The following SH3GL1 variants were observed in gnomAD, a reference collection of about 807,000 sequenced individuals.
SH3GL1 encodes endophilin-A2.
In SH3GL1, 21 loss-of-function variants were observed where a neutral mutation model predicts 48.8. The observed-to-expected ratio is 0.43, with a 90% confidence interval of 0.30 to 0.62. The LOEUF (loss-of-function observed/expected upper bound fraction) is 0.62, where lower values mean the gene tolerates loss of function less well. SH3GL1 is among the 20% of genes least tolerant of loss of function. SH3GL1 has a pLI of 0.11. For missense variants in SH3GL1, 454 were observed against 503.0 expected, an observed-to-expected ratio of 0.90 and a Z score of 0.93; for synonymous variants, 282 against 217.5, an observed-to-expected ratio of 1.30 and a Z score of -2.61.
chr19:4,386,347 C>G (rs561764725), intron 1 of SH3GL1, among the ~76,000 whole-genome samples: 7 of 152,298 alleles, frequency 4.6e-5, no homozygotes, highest in African/African-American at 1.4e-4. Flanking sequence ...CTGCTTAGTG[C>G]TGGGGCAAAG....
intron 1 of SH3GL1, among the ~76,000 whole-genome samples, chr19:4,387,455 G>A (rs1417849628): frequency 6.6e-6 from 1 of 152,104 alleles, no homozygotes; most frequent in Non-Finnish European, 1.5e-5. Context: ...GCACCGCTAT[G>A]ACTGGCTAAT....
At chr19:4,372,391 A>G (rs1295252762) in intron 1 of SH3GL1, among the ~76,000 whole-genome samples, 1 of 152,212 alleles carries the variant, frequency 6.6e-6, no homozygotes, top group East Asian at 1.9e-4. Context: ...CTAACACTGC[A>G]GCTGTGTTCA....
chr19:4,376,869 C>CTTA lies in SH3GL1; in HGVS notation c.46-9878_46-9876dup, dbSNP rs1260202780. 2.0e-5 allele frequency among the ~76,000 whole-genome samples: 3 copies of CTTA among 152,314 alleles called. No homozygotes were observed. The highest frequency in any genetic ancestry group is 4.1e-4 in the South Asian group (2 of 4,830). ...CAGACACAGGAAGCACTCTCCAATGCTTAGCGCCCTAGAATAAAGGACCCC... is the reference window on the plus strand; with the variant it reads ...CAGACACAGGAAGCACTCTCCAATGCTTATTAGCGCCCTAGAATAAAGGACCCC... On this transcript the variant is annotated intron_variant, in intron 1 of 9. Transcript: ENST00000269886. The surrounding 1 kb of genome is among the most constrained non-coding windows in gnomAD (Gnocchi z 4.3).
At chr19:4,383,940 C>T (rs1469736618) in intron 1 of SH3GL1, among the ~76,000 whole-genome samples, 3 of 152,272 alleles carry the variant, frequency 2.0e-5, no homozygotes, top group Admixed American at 1.3e-4. Flanking sequence ...GGAACATATG[C>T]GATGGGTGAC....
chr19:4,398,501 C>T (rs1241275517), intron 1 of SH3GL1, among the ~76,000 whole-genome samples: 1 of 151,908 alleles, frequency 6.6e-6, no homozygotes, highest in African/African-American at 2.4e-5. Context: ...TCCTGTCTCA[C>T]CCTCCTTAGT....
Position 4,364,004 on chromosome 19 carries a change from G to A in SH3GL1, c.465+84C>T, listed in dbSNP as rs918460616. The A allele has an allele frequency of 3.7e-6, 6 of 1,604,828 alleles. No individual in the cohort carries two copies. In the African/African-American group the frequency reaches 6.7e-5, roughly 18 times the overall value. ...CCTGAGACCCAGAGGGCAGTGCCGA[G>A]GCTGGAGGTGAGGGTGGCAGGAATG... On this transcript the variant is annotated intron_variant, in intron 5 of 9. Coordinates refer to ENST00000269886, the MANE Select transcript of SH3GL1 (RefSeq NM_003025.4).
rs1271790450 is a variant in SH3GL1, at chr19:4,363,777, C to T, written c.567G>A (p.Lys189=). Residue 189 remains lysine, a synonymous_variant, in exon 6 of 10, where the codon AAG becomes AAA. Transcript: ENST00000269886. ...CTGCCACCTCCTTGGACTCCTCGAA[C>T]TTCTCCAGCGCCTGGCGTAGCTCCT... ...PDEELRQALE[K]FEESKEVAET... 2 of 1,613,890 alleles carry T rather than the reference C, an allele frequency of 1.2e-6. No individual in the cohort carries two copies. Among genetic ancestry groups the T allele is most frequent in the East Asian group, 4.5e-5 (2 of 44,882 alleles).
At position 4,371,937 on chromosome 19, in the gene SH3GL1, C is replaced by T. The variant is rs140174067; in HGVS notation, c.46-4943G>A. Among the ~76,000 whole-genome samples, 141 of 152,356 alleles carry T rather than the reference C, an allele frequency of 9.3e-4. No homozygotes were observed. The East Asian group carries it at 0.011, about 12-fold the overall frequency. On this transcript the variant is annotated intron_variant, in intron 1 of 9. Transcript: ENST00000269886. Reference sequence around the variant, plus strand: ...AGAGCGGAGAAATGGCAGGTGGGCACGGCTGGTCAACCGCAGCGAATACCT... The same window carrying T: ...AGAGCGGAGAAATGGCAGGTGGGCATGGCTGGTCAACCGCAGCGAATACCT...
In SH3GL1 at chr19:4,362,648, C is replaced by T. The variant is rs749170520; in HGVS notation, c.817G>A (p.Gly273Arg). 5 of 1,613,916 alleles carry T rather than the reference C, an allele frequency of 3.1e-6. No individual in the cohort carries two copies. Among genetic ancestry groups the T allele is most frequent in the African/African-American group, 2.7e-5 (2 of 75,060 alleles). ...FDLGEPEQSN[G>R]GFPCTTAPKI... ...GGGGCTGTGGTGCAGGGGAAGCCCC[C>T]GTTGGACTGCTCAGGCTCTCCAAGG... Residue 273 changes from glycine (G) to arginine (R), a missense_variant, in exon 8 of 10, where the codon GGG becomes AGG. By Grantham distance (125) the Gly-to-Arg change is moderately radical. Transcript: ENST00000269886.
chr19:4,382,350 C>T lies in SH3GL1; in HGVS notation c.46-15356G>A, dbSNP rs559519236. Among the ~76,000 whole-genome samples the T allele has an allele frequency of 1.5e-3, 228 of 151,194 alleles. 2 individuals carry two copies. Among genetic ancestry groups the T allele is most frequent in the African/African-American group, 4.9e-3 (203 of 41,118 alleles). On this transcript the variant is annotated intron_variant, in intron 1 of 9. Transcript: ENST00000269886. The stretch of plus-strand genomic sequence containing the variant: ...TCGGCTCACTGCAAGCTCCGCCTCC[C>T]GGGTTCACGCCATTCTCCTGCCTCA...
At chr19:4,371,247 G>C (rs572491547) in intron 1 of SH3GL1, among the ~76,000 whole-genome samples, 28 of 152,252 alleles carry the variant, frequency 1.8e-4, no homozygotes, top group Non-Finnish European at 2.4e-4. Context: ...ATACAGAAAT[G>C]AACTGTGAAG....
At chr19:4,386,109 G>C (rs1973230003) in intron 1 of SH3GL1, among the ~76,000 whole-genome samples, 1 of 152,252 alleles carries the variant, frequency 6.6e-6, no homozygotes, top group South Asian at 2.1e-4. Flanking sequence ...CCAGGTCCCT[G>C]GGCTGCCCTC....
chr19:4,369,711 C>A (rs1007822192), intron 1 of SH3GL1, among the ~76,000 whole-genome samples: 1 of 152,234 alleles, frequency 6.6e-6, no homozygotes, highest in Non-Finnish European at 1.5e-5. Flanking sequence ...TGAACCCCCA[C>A]AACCGCCTGA....
chr19:4,397,653 C>T (rs1025214911), intron 1 of SH3GL1, among the ~76,000 whole-genome samples: 3 of 152,172 alleles, frequency 2.0e-5, no homozygotes, highest in Non-Finnish European at 4.4e-5. Context: ...GAAGGTCTGA[C>T]GCCTGCTGGG....
intron 8 of SH3GL1, 92 bp downstream of exon 8, chr19:4,362,520 G>A (rs1599587937): frequency 6.3e-7 from 1 of 1,590,622 alleles, no homozygotes; most frequent in Non-Finnish European, 8.6e-7. Context: ...GCACCCAGGA[G>A]TCTGGCGCTC....
At chr19:4,362,965 G>A (rs1446411021) in intron 7 of SH3GL1, among the ~76,000 whole-genome samples, 6 of 152,108 alleles carry the variant, frequency 3.9e-5, no homozygotes, top group Non-Finnish European at 8.8e-5. Flanking sequence ...AAGCAGCTGG[G>A]GCCTGCCACA....
rs761675144 is a variant in SH3GL1, at chr19:4,364,261, G to A, written c.332-40C>T. ...TGGGGGAAGCCATCATACCGGGCCT[G>A]GGACCACTAGACTGAGACACTCCTC... On this transcript the variant is annotated intron_variant, in intron 4 of 9. Coordinates refer to ENST00000269886, the MANE Select transcript of SH3GL1 (RefSeq NM_003025.4). The A allele has an allele frequency of 3.1e-6, 5 of 1,612,972 alleles. No homozygotes were observed. The African/African-American group carries it at 6.7e-5, about 22-fold the overall frequency.
Position 4,364,210 on chromosome 19 carries a change from G to T in SH3GL1, c.343C>A (p.Leu115Met), listed in dbSNP as rs1340290246. 1.2e-6 allele frequency: 2 copies of T among 1,613,810 alleles called. No individual in the cohort carries two copies. The highest frequency in any genetic ancestry group is 3.3e-5 in the Admixed American group (2 of 60,000). ...CGCTTCATGGACTCGCCGGCATCCAGCAATGCGTCACCTGTGGAGAAGTGG... is the reference window on the plus strand; with the variant it reads ...CGCTTCATGGACTCGCCGGCATCCATCAATGCGTCACCTGTGGAGAAGTGG... The part of the protein sequence containing the change: ...GGESNFGDAL[L>M]DAGESMKRLA... Residue 115 changes from leucine to methionine, a missense_variant, in exon 5 of 10, where the codon CTG (leucine) becomes ATG (methionine). Coordinates refer to ENST00000269886, the MANE Select transcript of SH3GL1 (RefSeq NM_003025.4).
At chr19:4,377,747 T>C (rs1973038686) in intron 1 of SH3GL1, among the ~76,000 whole-genome samples, 1 of 152,100 alleles carries the variant, frequency 6.6e-6, no homozygotes, top group South Asian at 2.1e-4. Flanking sequence ...CACTGCCTGC[T>C]CCTTACACAG....
Sources: gnomAD v4.1 joint callset for allele counts (sites outside exome capture counted in the v4.1 genomes callset) on GRCh38, gnomAD v4.1.1 for gene constraint, Gnocchi (gnomAD v3.1) non-coding constraint, MANE v1.5 for transcripts, NCBI Gene and HGNC (gene_info 2026-07-23, HGNC 2026-07-21) for gene names.